The following FTCDNL1 variants were observed in gnomAD, a reference collection of about 807,000 sequenced individuals.
FTCDNL1 encodes formiminotransferase cyclodeaminase N-terminal like.
In FTCDNL1, 11 loss-of-function variants were observed where a neutral mutation model predicts 5.9. That is an observed-to-expected ratio of 1.87 (90% CI 1.18 to 3.10). The LOEUF (loss-of-function observed/expected upper bound fraction) is 3.10. Ranked by LOEUF, FTCDNL1 falls within the 30% of genes most tolerant of loss-of-function variation. FTCDNL1 has a pLI of 0.00. For missense variants in FTCDNL1, 115 were observed against 65.5 expected, an observed-to-expected ratio of 1.76 and a Z score of -2.61; for synonymous variants, 58 against 24.8, an observed-to-expected ratio of 2.34 and a Z score of -3.99.
chr2:199,665,853 A>C, the FTCDNL1 span, among the ~76,000 whole-genome samples: 1 of 151,882 alleles, frequency 6.6e-6, no homozygotes, highest in African/African-American at 2.4e-5. Context: ...AGAACTTTGT[A>C]AGGCCCTGTT....
At chr2:199,765,556 A>ATTTTTTTTTTT (rs374926252) in intron 3 of FTCDNL1, among the ~76,000 whole-genome samples, 6 of 42,662 alleles carry the variant, frequency 1.4e-4, no homozygotes, top group African/African-American at 2.6e-4. Flanking sequence ...ATATATATAT[A>ATTTTTTTTTTT]TTTTTTTTTT....
At chr2:199,784,138 T>G (rs1319827816) in intron 3 of FTCDNL1, among the ~76,000 whole-genome samples, 1 of 152,190 alleles carries the variant, frequency 6.6e-6, no homozygotes, top group East Asian at 1.9e-4. Context: ...ACCCTCCATT[T>G]ACAGGAGATG....
At chr2:199,746,744 A>G in the FTCDNL1 span, among the ~76,000 whole-genome samples, 2 of 151,846 alleles carry the variant, frequency 1.3e-5, no homozygotes, top group Non-Finnish European at 2.9e-5. Context: ...TCACAAGCAG[A>G]TGGCTAAGAC....
the FTCDNL1 span, among the ~76,000 whole-genome samples, chr2:199,696,696 A>G: frequency 6.6e-6 from 1 of 152,146 alleles, no homozygotes; most frequent in Non-Finnish European, 1.5e-5. Context: ...ATCAGTTTAC[A>G]CAGATGAGAA....
At chr2:199,806,582 G>A (rs1432713029), downstream of FTCDNL1, among the ~76,000 whole-genome samples, 1 of 151,766 alleles carries the variant, frequency 6.6e-6, no homozygotes, top group African/African-American at 2.4e-5. Flanking sequence ...TTCCAAGACA[G>A]TACAAACCAA....
At chr2:199,768,932 A>G (rs112431948) in intron 3 of FTCDNL1, among the ~76,000 whole-genome samples, 5 of 152,306 alleles carry the variant, frequency 3.3e-5, no homozygotes, top group African/African-American at 9.6e-5. Context: ...CACCATGGCC[A>G]GGAATGTTAG....
At chr2:199,698,369 G>A in the FTCDNL1 span, among the ~76,000 whole-genome samples, 2 of 152,094 alleles carry the variant, frequency 1.3e-5, no homozygotes, top group African/African-American at 4.8e-5. Flanking sequence ...CTCTAAAATC[G>A]ACCACACAGT....
chr2:199,786,723 C>T lies in FTCDNL1; in HGVS notation c.212-25888G>A, dbSNP rs116505570. Reference sequence around the variant, plus strand: ...GGTGAACCTTCAAATTGCTGTTAGCCGGCGATCAGTGTTGAAACACTAGCA... The same window carrying T: ...GGTGAACCTTCAAATTGCTGTTAGCTGGCGATCAGTGTTGAAACACTAGCA... On this transcript the variant is annotated intron_variant, in intron 3 of 3. Transcript: ENST00000416668. 3.9e-3 allele frequency among the ~76,000 whole-genome samples: 587 copies of T among 152,186 alleles called. 6 individuals carry two copies. The highest frequency in any genetic ancestry group is 0.013 in the African/African-American group (552 of 41,500).
At chr2:199,731,434 T>C in the FTCDNL1 span, among the ~76,000 whole-genome samples, 7 of 152,238 alleles carry the variant, frequency 4.6e-5, no homozygotes, top group South Asian at 4.2e-4. Flanking sequence ...GGAAAGACAG[T>C]TAAAAGGTGA....
At chr2:199,846,232 A>C (rs2076729717) in intron 2 of FTCDNL1, 62 bp from the exon 3 acceptor site, 4 of 632,934 alleles carry the variant, frequency 6.3e-6, no homozygotes, top group Admixed American at 2.6e-5. Context: ...CTTAATAGTT[A>C]ATTTCTTCTG....
chr2:199,778,603 A>G (rs1699207259), intron 3 of FTCDNL1, among the ~76,000 whole-genome samples: 1 of 152,120 alleles, frequency 6.6e-6, no homozygotes. Context: ...CATGAGTCCT[A>G]TTTTCCCAGC....
the FTCDNL1 span, among the ~76,000 whole-genome samples, chr2:199,722,873 C>T: frequency 6.6e-6 from 1 of 151,950 alleles, no homozygotes; most frequent in Non-Finnish European, 1.5e-5. Flanking sequence ...GTATTTTATT[C>T]CCTTTGTAGC....
At chr2:199,669,657 T>C in the FTCDNL1 span, among the ~76,000 whole-genome samples, 3 of 152,232 alleles carry the variant, frequency 2.0e-5, no homozygotes, top group Admixed American at 1.3e-4. Context: ...CATTGTTTCA[T>C]AAAGGCCATT....
At chr2:199,838,988 A>G (rs2106629849) in intron 3 of FTCDNL1, among the ~76,000 whole-genome samples, 1 of 152,292 alleles carries the variant, frequency 6.6e-6, no homozygotes, top group East Asian at 1.9e-4. Context: ...GAACAGCTCA[A>G]GAGGAAAGAC....
At chr2:199,731,943 G>A in the FTCDNL1 span, among the ~76,000 whole-genome samples, 2 of 151,298 alleles carry the variant, frequency 1.3e-5, no homozygotes, top group African/African-American at 4.9e-5. Context: ...TGTGCTATCA[G>A]ATAAGACTAC....
the FTCDNL1 span, among the ~76,000 whole-genome samples, chr2:199,671,622 G>A: frequency 3.9e-5 from 6 of 152,020 alleles, no homozygotes; most frequent in African/African-American, 1.4e-4. Flanking sequence ...GATTCTTTTA[G>A]GAGCTCCTAA....
At chr2:199,718,418 T>G in the FTCDNL1 span, among the ~76,000 whole-genome samples, 1 of 152,200 alleles carries the variant, frequency 6.6e-6, no homozygotes. Flanking sequence ...GTGGTATAAA[T>G]ACACCACATA....
chr2:199,850,549 A>C (rs113015046), intron 1 of FTCDNL1, among the ~76,000 whole-genome samples, 191 bp downstream of exon 1: 2,223 of 152,352 alleles, frequency 0.015, 45 homozygotes, highest in Middle Eastern at 0.075. Flanking sequence ...CCAGGCTCAG[A>C]AAGTGACCCA....
chr2:199,777,565 A>G (rs1477107964), intron 3 of FTCDNL1, among the ~76,000 whole-genome samples: 1 of 152,184 alleles, frequency 6.6e-6, no homozygotes, highest in African/African-American at 2.4e-5. Flanking sequence ...CGATGTAAAT[A>G]TTAATCTCAT....
Sources: gnomAD v4.1 joint callset for allele counts (sites outside exome capture counted in the v4.1 genomes callset) on GRCh38, gnomAD v4.1.1 for gene constraint, MANE v1.5 for transcripts, NCBI Gene and HGNC (gene_info 2026-07-23, HGNC 2026-07-21) for gene names.